The following TOPBP1 variants were observed in gnomAD, a reference collection of about 807,000 sequenced individuals.
TOPBP1 encodes DNA topoisomerase II binding protein 1.
In TOPBP1, 28 loss-of-function variants were observed where a neutral mutation model predicts 167.7. The observed-to-expected ratio is 0.17, with a 90% CI of 0.12 to 0.23. TOPBP1 has a LOEUF of 0.23. Ranked by LOEUF, TOPBP1 falls within the 10% of genes least tolerant of loss-of-function variation. The pLI, the probability that TOPBP1 is intolerant of heterozygous loss-of-function variation, is 1.00. For synonymous variants in TOPBP1, 598 were observed against 611.4 expected, an observed-to-expected ratio of 0.98 and a Z score of 0.32; for missense variants, 1,554 against 1,809.6, an observed-to-expected ratio of 0.86 and a Z score of 2.56.
At chr3:133,630,092 ATATT>A (rs1935418813) in intron 14 of TOPBP1, among the ~76,000 whole-genome samples, 1 of 151,638 alleles carries the variant, frequency 6.6e-6, no homozygotes, top group Non-Finnish European at 1.5e-5. Context: ...GGCTATATGT[ATATT>A]TATATCTAAT....
At chr3:133,641,412 C>A (rs1373364282) in intron 12 of TOPBP1, among the ~76,000 whole-genome samples, 1 of 152,190 alleles carries the variant, frequency 6.6e-6, no homozygotes, top group Non-Finnish European at 1.5e-5. Context: ...GTCCTCCAGG[C>A]TAGAGTACAG....
intron 6 of TOPBP1, among the ~76,000 whole-genome samples, chr3:133,653,954 T>C (rs1047377609): frequency 6.6e-5 from 10 of 152,208 alleles, no homozygotes; most frequent in Non-Finnish European, 1.3e-4. Context: ...TTCAAAAACC[T>C]ATCAACAAAA....
At chr3:133,652,770 G>A in intron 7 of TOPBP1, 141 bp from the exon 8 acceptor site, 2 of 634,428 alleles carry the variant, frequency 3.2e-6, no homozygotes, top group Non-Finnish European at 5.2e-6. Context: ...TGAAATCTTA[G>A]TGGCAAAGTA....
At chr3:133,640,755 C>T (rs1935866391) in intron 12 of TOPBP1, among the ~76,000 whole-genome samples, 2 of 152,126 alleles carry the variant, frequency 1.3e-5, no homozygotes, top group Non-Finnish European at 2.9e-5. Context: ...TTGTCCTTTC[C>T]TCCCAAAAGA....
rs564724952 is a variant in TOPBP1, at chr3:133,639,766, G to C, written c.2233+193C>G. Among the ~76,000 whole-genome samples, 5 of 152,182 alleles carry C rather than the reference G, an allele frequency of 3.3e-5. No homozygotes were observed. The East Asian group carries it at 9.7e-4, about 29-fold the overall frequency. On this transcript the variant is annotated intron_variant, in intron 13 of 27. Transcript: ENST00000260810. Reference sequence around the variant, plus strand: ...TGTTAATTATATAGTGTGTTACTATGAGCCATAGAAAGAATCAACAGTAAA... The same window carrying C: ...TGTTAATTATATAGTGTGTTACTATCAGCCATAGAAAGAATCAACAGTAAA...
At chr3:133,659,634 C>T (rs1460563921) in intron 2 of TOPBP1, among the ~76,000 whole-genome samples, 3 of 152,212 alleles carry the variant, frequency 2.0e-5, no homozygotes, top group Non-Finnish European at 4.4e-5. Context: ...CAGGTTTTCA[C>T]CTGACTTAAT....
chr3:133,630,798 T>C (rs901005890), intron 14 of TOPBP1, among the ~76,000 whole-genome samples: 2 of 152,240 alleles, frequency 1.3e-5, no homozygotes, highest in Non-Finnish European at 2.9e-5. Context: ...CTATTTCTTT[T>C]GGAGTGTATG....
At chr3:133,619,404 A>G (rs1433571879) in intron 20 of TOPBP1, among the ~76,000 whole-genome samples, 1 of 152,184 alleles carries the variant, frequency 6.6e-6, no homozygotes, top group Non-Finnish European at 1.5e-5. Flanking sequence ...ACTTAATTCA[A>G]TTAGTCAACT....
In TOPBP1 at chr3:133,628,818, AGAG is replaced by A. The variant is rs775498251; in HGVS notation, c.2521-88_2521-86del. 5.5e-5 allele frequency: 73 copies of A among 1,321,704 alleles called. 1 individual carries two copies. Among genetic ancestry groups the A allele is most frequent in the Admixed American group, 1.3e-4 (5 of 39,844 alleles). The allele number at this position is 1,321,704 out of a possible 1,614,324, so 81.9% of individuals were successfully genotyped here. On this transcript the variant is annotated intron_variant, in intron 14 of 27. Transcript: ENST00000260810. ...TGGGTTAATAGGACAGGAAAAAGAA[AGAG>A]GAGGAGAGAGGGGTAAAGAGAGAGA... is the stretch of plus-strand genomic sequence containing the variant.
chr3:133,652,189 T>C (rs938450041), intron 8 of TOPBP1, among the ~76,000 whole-genome samples: 1 of 151,592 alleles, frequency 6.6e-6, no homozygotes, highest in South Asian at 2.1e-4. Context: ...TCTCGAAATA[T>C]AGCAGATGAA....
intron 23 of TOPBP1, among the ~76,000 whole-genome samples, chr3:133,615,901 C>CA (rs1284558784): frequency 3.9e-5 from 6 of 152,104 alleles, no homozygotes; most frequent in African/African-American, 1.4e-4. Flanking sequence ...CCAATGCACC[C>CA]AGCCTCTTTT....
chr3:133,605,794 T>C (rs1189552109), intron 27 of TOPBP1, among the ~76,000 whole-genome samples: 1 of 152,100 alleles, frequency 6.6e-6, no homozygotes, highest in African/African-American at 2.4e-5. Flanking sequence ...ATAAAAGGCA[T>C]AAAGAAGGGA....
At chr3:133,605,308 T>C (rs1934452980) in intron 27 of TOPBP1, among the ~76,000 whole-genome samples, 1 of 149,334 alleles carries the variant, frequency 6.7e-6, no homozygotes, top group Non-Finnish European at 1.5e-5. Flanking sequence ...TTGTTTGTGA[T>C]GCCAGCAAAA....
intron 27 of TOPBP1, among the ~76,000 whole-genome samples, 165 bp from the exon 28 acceptor site, chr3:133,601,558 C>A (rs1292613835): frequency 2.0e-5 from 3 of 152,000 alleles, no homozygotes; most frequent in Non-Finnish European, 4.4e-5. Context: ...CAAAATGGAC[C>A]CTGTGGGACA....
intron 7 of TOPBP1, 122 bp from the exon 8 acceptor site, chr3:133,652,751 G>T: frequency 1.3e-6 from 1 of 753,296 alleles, no homozygotes; most frequent in African/African-American, 1.8e-5. Flanking sequence ...AAGATTCAGG[G>T]GTGTTTACTG....
At chr3:133,652,397 T>C (rs1396366650) in intron 8 of TOPBP1, 66 bp downstream of exon 8, 18 of 1,563,664 alleles carry the variant, frequency 1.2e-5, no homozygotes, top group Non-Finnish European at 1.7e-6. Flanking sequence ...TGAAGGGTCT[T>C]CAAAGTCAGG....
At chr3:133,610,659 G>A (rs151093788) in intron 25 of TOPBP1, among the ~76,000 whole-genome samples, 3,608 of 151,212 alleles carry the variant, frequency 0.024, 59 homozygotes, top group African/African-American at 0.049. Context: ...AAAAAAGACC[G>A]GAAGTGCTAA....
rs1224772505 is a variant in TOPBP1, at chr3:133,608,664, T to C, written c.4296A>G (p.Lys1432=). The change falls in exon 27 of 28, where the codon AAA becomes AAG. Residue 1432 remains lysine, a synonymous_variant. Coordinates refer to ENST00000260810, the MANE Select transcript of TOPBP1 (RefSeq NM_007027.4). The part of the protein sequence containing the change: ...VLPGHSVPLF[K]EATHLFSDLN... The stretch of plus-strand genomic sequence containing the variant: ...AGTCAGAAAAAAGATGTGTGGCCTC[T>C]TTAAATAAAGGTACAGAATGACCAG... 3 of 1,613,602 alleles carry C rather than the reference T, an allele frequency of 1.9e-6. No homozygotes were observed. Among genetic ancestry groups the C allele is most frequent in the South Asian group, 2.2e-5 (2 of 91,074 alleles).
chr3:133,660,845 A>T (rs1346673937), intron 2 of TOPBP1, among the ~76,000 whole-genome samples, 199 bp downstream of exon 2: 1 of 152,222 alleles, frequency 6.6e-6, no homozygotes, highest in Non-Finnish European at 1.5e-5. Flanking sequence ...GTGATAATAG[A>T]CTTCCAGCCC....
Sources: allele counts gnomAD v4.1 joint callset (sites outside exome capture counted in the v4.1 genomes callset), GRCh38; gene constraint gnomAD v4.1.1; transcripts MANE v1.5; gene names NCBI Gene and HGNC (gene_info 2026-07-23, HGNC 2026-07-21).